The following KEAP1 variants were observed in gnomAD, a reference collection of about 807,000 sequenced individuals.
KEAP1 encodes the protein kelch like ECH associated protein 1.
A neutral mutation model predicts 59.7 loss-of-function variants in KEAP1; 26 were observed. The ratio of observed to expected loss-of-function variants is 0.44; its 90% confidence interval spans 0.32 to 0.60. KEAP1 has a LOEUF of 0.60. Ranked by LOEUF, KEAP1 falls within the 20% of genes least tolerant of loss-of-function variation. KEAP1 has a pLI of 0.06. For synonymous variants in KEAP1, 350 were observed against 358.3 expected (o/e 0.98, Z 0.26); for missense variants, 539 against 871.4 (o/e 0.62, Z 4.80).
chr19:10,492,485 G>C (rs573275371), intron 2 of KEAP1: 1 of 533,362 alleles, frequency 1.9e-6, no homozygotes, highest in African/African-American at 1.9e-5. Flanking sequence ...TTGGGAGGCC[G>C]AGGCTGGCGG....
In KEAP1 at chr19:10,491,931, A is replaced by G. The variant is rs2144600939; in HGVS notation, c.971T>C (p.Val324Ala). 6.4e-7 allele frequency: 1 copy of G among 1,562,650 alleles called. No individual in the cohort carries two copies. The highest frequency in any genetic ancestry group is 1.2e-5 in the South Asian group (1 of 85,320). ...TQVMPCRAPK[V>A]GRLIYTAGGY... Reference sequence around the variant, plus strand: ...GCCCGCGGTGTAGATCAGGCGGCCCACCTTGGGCGCCCGGCAGGGCATCAC... The same window carrying G: ...GCCCGCGGTGTAGATCAGGCGGCCCGCCTTGGGCGCCCGGCAGGGCATCAC... Residue 324 changes from valine to alanine, a missense_variant, in exon 3 of 6, where the codon GTG becomes GCG. This residue lies in a region of KEAP1 where 61 missense variants were observed against 129.9 expected (regional missense o/e 0.47). Coordinates refer to ENST00000171111, the MANE Select transcript of KEAP1 (RefSeq NM_203500.2). This position sits in a 1 kb window ranked among gnomAD's most constrained non-coding sequence, Gnocchi z 5.2.
chr19:10,486,923 G>T, intron 5 of KEAP1, 105 bp from the exon 6 acceptor site: 1 of 1,250,468 alleles, frequency 8.0e-7, no homozygotes. Context: ...CAGGCCGGGC[G>T]TGGTGGCTCA....
At chr19:10,489,044 G>GTGAT in intron 5 of KEAP1, 148 bp downstream of exon 5, 1 of 672,240 alleles carries the variant, frequency 1.5e-6, no homozygotes, top group Non-Finnish European at 2.4e-6. Flanking sequence ...CCAGCGAGCT[G>GTGAT]TGATCACACC....
rs1226212165 is a variant in KEAP1, at chr19:10,494,554, C to T, written c.640-2292G>A. Among the ~76,000 whole-genome samples the T allele has an allele frequency of 9.3e-5, 14 of 150,966 alleles. No homozygotes were observed. The Admixed American group carries it at 9.3e-4, about 10-fold the overall frequency. On this transcript the variant is annotated intron_variant, in intron 2 of 5. Coordinates refer to ENST00000171111, the MANE Select transcript of KEAP1 (RefSeq NM_203500.2). Reference sequence around the variant, plus strand: ...ATTTCACCGTGTTAACCAGGCTGGTCTTGAACTCCTGACCTCAGGTGATCT... The same window carrying T: ...ATTTCACCGTGTTAACCAGGCTGGTTTTGAACTCCTGACCTCAGGTGATCT...
chr19:10,486,465 G>A lies in KEAP1; in HGVS notation c.*187C>T, dbSNP rs987934289. 29 of 661,900 alleles carry A rather than the reference G, an allele frequency of 4.4e-5. No individual in the cohort carries two copies. Among genetic ancestry groups the A allele is most frequent in the Middle Eastern group, 4.2e-4 (1 of 2,356 alleles). 41.0% of individuals were successfully genotyped at this position (661,900 alleles called of 1,614,324 possible). A position where few individuals can be genotyped will look rare whatever the true frequency, so the allele number is the denominator to read the frequency against. On this transcript the variant is annotated 3_prime_UTR_variant, in exon 6 of 6. Transcript: ENST00000171111. The stretch of plus-strand genomic sequence containing the variant: ...CTGTCTTGGACACTCCCGGGGCTCC[G>A]CTGAGGGGCACATGATTCCCGCTTT...
intron 2 of KEAP1, 46 bp from the exon 3 acceptor site, chr19:10,492,308 A>C: frequency 7.0e-7 from 1 of 1,435,718 alleles, no homozygotes; most frequent in Non-Finnish European, 9.7e-7. Flanking sequence ...AGTCACCCCC[A>C]CACCTCACCA....
rs142413827 is a variant in KEAP1, at chr19:10,496,339, T to C, written c.639+3056A>G. ...GGTGAAACCCCATCTCTACAAAAAA[T>C]ACAAAAATTATCTGGGCATGGTGAC... is the stretch of plus-strand genomic sequence containing the variant. On this transcript the variant is annotated intron_variant, in intron 2 of 5. Transcript: ENST00000171111. Among the ~76,000 whole-genome samples the C allele has an allele frequency of 4.9e-3, 727 of 149,710 alleles. 10 individuals carry two copies. The highest frequency in any genetic ancestry group is 0.022 in the East Asian group (113 of 5,070).
chr19:10,501,166 G>A (rs933936700), intron 1 of KEAP1, among the ~76,000 whole-genome samples: 1 of 152,132 alleles, frequency 6.6e-6, no homozygotes, highest in African/African-American at 2.4e-5. Flanking sequence ...GGAGTGCAGT[G>A]AGAGCTAAGG....
In KEAP1 at chr19:10,486,599, A is replaced by G. The variant is rs2144576717; in HGVS notation, c.*53T>C. 1.3e-6 allele frequency: 2 copies of G among 1,542,948 alleles called. 1 individual carries two copies. The highest frequency in any genetic ancestry group is 2.3e-5 in the South Asian group (2 of 85,212). ...TCTTTTAGTCCCGGTTTTTGTACAAAAACAATGATACTCCCCATTGGACTG... is the reference window on the plus strand; with the variant it reads ...TCTTTTAGTCCCGGTTTTTGTACAAGAACAATGATACTCCCCATTGGACTG... On this transcript the variant is annotated 3_prime_UTR_variant, in exon 6 of 6. Coordinates refer to ENST00000171111, the MANE Select transcript of KEAP1 (RefSeq NM_203500.2).
In KEAP1 at chr19:10,486,802, G is replaced by C. The variant is rs781024114; in HGVS notation, c.1725C>G (p.His575Gln). ...AACACTCCACACTGTCCAGGAACGT[G>C]TGACCATCATAGCCTCCTGCGGGAA... ...RIYVLGGYDGHTFLDSVECYD... is the reference protein window; with the variant it reads ...RIYVLGGYDGQTFLDSVECYD... Residue 575 changes from histidine to glutamine, a missense_variant, in exon 6 of 6, where the codon CAC becomes CAG. By Grantham distance (24) the His-to-Gln change is conservative. This residue lies in a region of KEAP1 where 311 missense variants were observed against 425.2 expected (regional missense o/e 0.73). Coordinates refer to ENST00000171111, the MANE Select transcript of KEAP1 (RefSeq NM_203500.2). The C allele has an allele frequency of 6.2e-7, 1 of 1,613,616 alleles. No individual in the cohort carries two copies. The highest frequency in any genetic ancestry group is 8.5e-7 in the Non-Finnish European group (1 of 1,179,804).
At chr19:10,489,616 T>TG (rs34859634) in intron 4 of KEAP1, 32 bp downstream of exon 4, 17 of 1,608,688 alleles carry the variant, frequency 1.1e-5, no homozygotes, top group Middle Eastern at 2.0e-4. Context: ...GGGGTGTTCC[T>TG]GGGTGCTCCC....
intron 2 of KEAP1, chr19:10,492,485 G>A (rs573275371): frequency 1.1e-4 from 61 of 533,364 alleles, no homozygotes; most frequent in African/African-American, 7.0e-4. Context: ...TTGGGAGGCC[G>A]AGGCTGGCGG....
chr19:10,489,459 C>T lies in KEAP1; in HGVS notation c.1532-91G>A, dbSNP rs1914593695. 1.3e-5 allele frequency: 17 copies of T among 1,342,596 alleles called. No homozygotes were observed. In the South Asian group the frequency reaches 2.2e-4, roughly 17 times the overall value. 83.2% of individuals were successfully genotyped at this position (1,342,596 alleles called of 1,614,324 possible). Reference sequence around the variant, plus strand: ...CCTTGAGGGAGACCTTTCCTCTCTCCTCTCCCTTCTCACCCTCAGAAATGA... The same window carrying T: ...CCTTGAGGGAGACCTTTCCTCTCTCTTCTCCCTTCTCACCCTCAGAAATGA... On this transcript the variant is annotated intron_variant, in intron 4 of 5. Transcript: ENST00000171111.
At chr19:10,487,862 C>T (rs1914520861) in intron 5 of KEAP1, among the ~76,000 whole-genome samples, 1 of 151,800 alleles carries the variant, frequency 6.6e-6, no homozygotes, top group Non-Finnish European at 1.5e-5. Flanking sequence ...GGCATGGTGG[C>T]TCACACCTGT....
rs781127807 is a variant in KEAP1 at position 10,489,813 on chromosome 19, T to A, written c.1366A>T (p.Met456Leu). The change falls in exon 4 of 6, where the codon ATG becomes TTG. Residue 456 changes from methionine to leucine, a missense_variant. Physicochemically the swap from Met to Leu is conservative, Grantham distance 15. Around this residue, in one of 4 missense-constraint regions of KEAP1, gnomAD observed 311 missense variants for 425.2 expected, o/e 0.73. Coordinates refer to ENST00000171111, the MANE Select transcript of KEAP1 (RefSeq NM_203500.2). ...CCCACCCCGATCCTTCGTGTCAGCATTGGGGCCACCAAGTGCCACTCATCC... is the reference window on the plus strand; with the variant it reads ...CCCACCCCGATCCTTCGTGTCAGCAATGGGGCCACCAAGTGCCACTCATCC... ...ERDEWHLVAP[M>L]LTRRIGVGVA... is the part of the protein sequence containing the mutation. The A allele has an allele frequency of 6.2e-7, 1 of 1,614,112 alleles. No individual in the cohort carries two copies. The highest frequency in any genetic ancestry group is 1.1e-5 in the South Asian group (1 of 91,076).
Position 10,499,574 on chromosome 19 carries a change from G to C in KEAP1, c.460C>G (p.His154Asp), listed in dbSNP as rs2144626181. The C allele has an allele frequency of 6.2e-7, 1 of 1,614,122 alleles. No homozygotes were observed. The highest frequency in any genetic ancestry group is 8.5e-7 in the Non-Finnish European group (1 of 1,180,034). ...SISMGEKCVLHVMNGAVMYQI... is the reference protein window; with the variant it reads ...SISMGEKCVLDVMNGAVMYQI... ...TACATGACAGCACCGTTCATGACGT[G>C]GAGGACACACTTCTCGCCCATGGAG... The change falls in exon 2 of 6, where the codon CAC becomes GAC. Residue 154 changes from histidine to aspartate, a missense_variant. Physicochemically the swap from His to Asp is moderately conservative, Grantham distance 81. This residue lies in a region of KEAP1 where 166 missense variants were observed against 295.8 expected (regional missense o/e 0.56). Coordinates refer to ENST00000171111, the MANE Select transcript of KEAP1 (RefSeq NM_203500.2). This position sits in a 1 kb window ranked among gnomAD's most constrained non-coding sequence, Gnocchi z 6.7.
chr19:10,495,006 G>A (rs1472852486), intron 2 of KEAP1, among the ~76,000 whole-genome samples: 2 of 150,476 alleles, frequency 1.3e-5, no homozygotes, highest in Admixed American at 1.3e-4. Flanking sequence ...TCGTCAGGCT[G>A]GATACAGTGG....
At chr19:10,486,896 G>A (rs886768054) in intron 5 of KEAP1, 78 bp from the exon 6 acceptor site, 13 of 1,458,198 alleles carry the variant, frequency 8.9e-6, no homozygotes, top group Non-Finnish European at 1.1e-5. Context: ...GAGAGATGCA[G>A]CTGTGAGATG....
chr19:10,495,273 A>G (rs985344105), intron 2 of KEAP1, among the ~76,000 whole-genome samples: 5 of 152,124 alleles, frequency 3.3e-5, no homozygotes, highest in Admixed American at 6.6e-5. Flanking sequence ...CAGCCTCCCA[A>G]AGCACTGAGA....
Sources: allele counts gnomAD v4.1 joint callset (sites outside exome capture counted in the v4.1 genomes callset), GRCh38; gene constraint gnomAD v4.1.1; regional missense constraint gnomAD v4.1.1; non-coding constraint Gnocchi (gnomAD v3.1); transcripts MANE v1.5; gene names NCBI Gene and HGNC (gene_info 2026-07-23, HGNC 2026-07-21).